The following GPC6 variants were observed in gnomAD, a reference collection of about 807,000 sequenced individuals.
The protein encoded by GPC6 is glypican-6.
In GPC6, 14 loss-of-function variants were observed where a neutral mutation model predicts 55.2. The observed-to-expected ratio is 0.25, with a 90% confidence interval of 0.17 to 0.40. GPC6 has a LOEUF of 0.40. Ranked by LOEUF, GPC6 falls within the 10% of genes least tolerant of loss-of-function variation. The pLI is 1.00. For synonymous variants in GPC6, 278 were observed against 259.6 expected, an observed-to-expected ratio of 1.07 and a Z score of -0.68; for missense variants, 641 against 708.5, an observed-to-expected ratio of 0.90 and a Z score of 1.08.
At chr13:94,303,381 GT>G (rs1875768974) in intron 5 of GPC6, among the ~76,000 whole-genome samples, 1 of 152,164 alleles carries the variant, frequency 6.6e-6, no homozygotes, top group Admixed American at 6.5e-5. Flanking sequence ...CAAGCCTCGT[GT>G]TTAAAGGTGG....
intron 1 of GPC6, among the ~76,000 whole-genome samples, chr13:93,362,930 C>G (rs1773281353): frequency 6.6e-6 from 1 of 152,012 alleles, no homozygotes; most frequent in Non-Finnish European, 1.5e-5. Flanking sequence ...CTGACTTCTG[C>G]CAAACAGTGC....
chr13:93,762,637 A>T (rs1372045246), intron 2 of GPC6, among the ~76,000 whole-genome samples: 1 of 152,184 alleles, frequency 6.6e-6, no homozygotes, highest in Non-Finnish European at 1.5e-5. Flanking sequence ...GTTATGCTTG[A>T]CTTGGCTGTC....
chr13:93,592,195 G>GC (rs1555314412), intron 2 of GPC6, among the ~76,000 whole-genome samples: 4 of 151,112 alleles, frequency 2.6e-5, no homozygotes, highest in Non-Finnish European at 5.9e-5. Context: ...CCTGCAAGTT[G>GC]TTTTTTTGAA....
chr13:93,390,766 A>G (rs1211752094), intron 1 of GPC6, among the ~76,000 whole-genome samples: 1 of 151,506 alleles, frequency 6.6e-6, no homozygotes, highest in Non-Finnish European at 1.5e-5. Context: ...GCTTGCATGT[A>G]TAGTTTTTTT....
intron 3 of GPC6, among the ~76,000 whole-genome samples, chr13:93,863,949 A>C (rs1297245938): frequency 1.3e-5 from 2 of 151,744 alleles, no homozygotes; most frequent in Non-Finnish European, 1.5e-5. Context: ...AGTACTAGTC[A>C]AAAAAGTCTT....
intron 1 of GPC6, among the ~76,000 whole-genome samples, chr13:93,378,850 C>T (rs1875034601): frequency 6.6e-6 from 1 of 151,718 alleles, no homozygotes; most frequent in Non-Finnish European, 1.5e-5. Flanking sequence ...ACAACAATTA[C>T]CAGGTGTGGT....
At chr13:93,904,769 T>C (rs1876546334) in intron 3 of GPC6, among the ~76,000 whole-genome samples, 1 of 152,130 alleles carries the variant, frequency 6.6e-6, no homozygotes, top group African/African-American at 2.4e-5. Context: ...TGATCTCTAC[T>C]TTTTTTAAAA....
At chr13:93,607,690 G>T (rs1878297098) in intron 2 of GPC6, among the ~76,000 whole-genome samples, 1 of 152,150 alleles carries the variant, frequency 6.6e-6, no homozygotes. Context: ...TCCTTTTGGG[G>T]CCAATAATGC....
At chr13:94,158,109 G>A (rs984970089) in intron 4 of GPC6, among the ~76,000 whole-genome samples, 1 of 152,164 alleles carries the variant, frequency 6.6e-6, no homozygotes, top group East Asian at 1.9e-4. Context: ...CCAATTTCCT[G>A]CCAGATATTA....
intron 2 of GPC6, among the ~76,000 whole-genome samples, chr13:93,690,082 G>T (rs1223191907): frequency 6.6e-6 from 1 of 152,098 alleles, no homozygotes; most frequent in Non-Finnish European, 1.5e-5. Flanking sequence ...TGTAACTGAT[G>T]ATTGCACTTT....
intron 1 of GPC6, among the ~76,000 whole-genome samples, chr13:93,531,998 T>C (rs1881886894): frequency 6.6e-6 from 1 of 152,190 alleles, no homozygotes; most frequent in Non-Finnish European, 1.5e-5. Flanking sequence ...GTTGAAACTG[T>C]GAACTACCTC....
intron 5 of GPC6, among the ~76,000 whole-genome samples, chr13:94,294,820 G>T (rs187705400): frequency 6.6e-6 from 1 of 152,046 alleles, no homozygotes; most frequent in Non-Finnish European, 1.5e-5. Context: ...TAGCATGTCC[G>T]TTGTAAGGCA....
intron 4 of GPC6, among the ~76,000 whole-genome samples, chr13:94,046,092 C>G (rs1305128822): frequency 1.3e-5 from 2 of 151,904 alleles, no homozygotes; most frequent in Admixed American, 1.3e-4. Flanking sequence ...CTACCCTCCA[C>G]TCAGCGGACT....
At chr13:94,155,060 C>T (rs980743028) in intron 4 of GPC6, among the ~76,000 whole-genome samples, 3 of 152,100 alleles carry the variant, frequency 2.0e-5, no homozygotes, top group South Asian at 4.1e-4. Flanking sequence ...CCTGGGGGTA[C>T]ACCTCTAAAT....
chr13:93,540,447 G>C (rs1882247180), intron 1 of GPC6, among the ~76,000 whole-genome samples: 1 of 152,020 alleles, frequency 6.6e-6, no homozygotes, highest in South Asian at 2.1e-4. Flanking sequence ...TCATTTTCAA[G>C]AATAATGCAT....
At position 93,878,583 on chromosome 13, in the gene GPC6, G is replaced by A. The variant is rs180671929; in HGVS notation, c.711+48038G>A. Among the ~76,000 whole-genome samples, 100 of 152,142 alleles carry A rather than the reference G, an allele frequency of 6.6e-4. No individual in the cohort carries two copies. The Middle Eastern group carries it at 0.01, about 16-fold the overall frequency. On this transcript the variant is annotated intron_variant, in intron 3 of 8. Coordinates refer to ENST00000377047, the MANE Select transcript of GPC6 (RefSeq NM_005708.5). ...AGTAGAGATGGGGTTTCACCATGTT[G>A]GCCAGGCTGGTCTCAAACTCCTGAC...
chr13:94,381,906 T>C (rs1880175626), intron 6 of GPC6, among the ~76,000 whole-genome samples: 1 of 152,244 alleles, frequency 6.6e-6, no homozygotes, highest in African/African-American at 2.4e-5. Context: ...CCCATGTGTG[T>C]GCTCTAAGGG....
chr13:93,864,825 C>G (rs981606707), intron 3 of GPC6, among the ~76,000 whole-genome samples: 7 of 151,712 alleles, frequency 4.6e-5, no homozygotes, highest in Non-Finnish European at 8.9e-5. Flanking sequence ...ACTCTAACCA[C>G]TGTACCACAG....
At chr13:93,486,817 C>T (rs901412602) in intron 1 of GPC6, among the ~76,000 whole-genome samples, 8 of 151,886 alleles carry the variant, frequency 5.3e-5, no homozygotes, top group Non-Finnish European at 7.4e-5. Flanking sequence ...TGGTGGCATG[C>T]GCCTGTAATC....
Sources: gnomAD v4.1 joint callset for allele counts (sites outside exome capture counted in the v4.1 genomes callset) on GRCh38, gnomAD v4.1.1 for gene constraint, MANE v1.5 for transcripts, NCBI Gene and HGNC (gene_info 2026-07-23, HGNC 2026-07-21) for gene names.